Variants in STIM2 observed in about 807,000 individuals in gnomAD.
The protein encoded by STIM2 is stromal interaction molecule 2.
A neutral mutation model predicts 85.8 loss-of-function variants in STIM2; 31 were observed. That is an observed-to-expected ratio of 0.36 (90% CI 0.27 to 0.49). The LOEUF (loss-of-function observed/expected upper bound fraction) is 0.49. Among genes scored for constraint, STIM2 ranks in the 20% least tolerant of loss-of-function variants. STIM2 has a pLI of 0.98. For synonymous variants in STIM2, 356 were observed against 331.1 expected (o/e 1.08, Z -0.82); for missense variants, 841 against 927.6 (o/e 0.91, Z 1.21).
chr4:26,904,919 A>G (rs1013141568), intron 1 of STIM2, among the ~76,000 whole-genome samples: 1 of 152,242 alleles, frequency 6.6e-6, no homozygotes, highest in African/African-American at 2.4e-5. Context: ...GGATTGACAT[A>G]TAGAAACTTG....
At chr4:26,906,192 G>A (rs999357458) in intron 1 of STIM2, among the ~76,000 whole-genome samples, 2 of 152,102 alleles carry the variant, frequency 1.3e-5, no homozygotes, top group African/African-American at 2.4e-5. Context: ...ACCAAATACT[G>A]TATGTTCTCA....
chr4:26,910,955 G>A (rs949400948), intron 1 of STIM2, among the ~76,000 whole-genome samples: 3 of 152,182 alleles, frequency 2.0e-5, no homozygotes, highest in Non-Finnish European at 2.9e-5. Flanking sequence ...AAGCATTTGA[G>A]GTCGGGTGCA....
intron 3 of STIM2, among the ~76,000 whole-genome samples, chr4:26,959,505 T>C (rs1726371677): frequency 6.6e-6 from 1 of 152,172 alleles, no homozygotes; most frequent in Admixed American, 6.6e-5. Flanking sequence ...CCTTCTAAGA[T>C]ACTATATAAT....
At chr4:26,913,969 G>T (rs1364243547) in intron 1 of STIM2, among the ~76,000 whole-genome samples, 4 of 152,118 alleles carry the variant, frequency 2.6e-5, no homozygotes, top group Admixed American at 2.0e-4. Context: ...GAAGGAGAAG[G>T]CTATCTTACA....
Position 26,861,004 on chromosome 4 carries a change from G to A in STIM2, c.-215G>A. 1 of 1,277,898 alleles carries A rather than the reference G, an allele frequency of 7.8e-7. No homozygotes were observed. The highest frequency in any genetic ancestry group is 1.6e-5 in the South Asian group (1 of 63,510). 79.2% of individuals were successfully genotyped at this position (1,277,898 alleles called of 1,614,324 possible). A position where few individuals can be genotyped will look rare whatever the true frequency, so the allele number is the denominator to read the frequency against. The stretch of plus-strand genomic sequence containing the variant: ...GCTCCGGAGGCCGCCGGTGCCGATG[G>A]GACCAGGCTGGCGCCCGGCGGGAGC... On this transcript the variant is annotated 5_prime_UTR_variant, in exon 1 of 12. Coordinates refer to ENST00000467087, the MANE Select transcript of STIM2 (RefSeq NM_020860.4).
At chr4:27,009,128 T>C (rs1432810718) in intron 10 of STIM2, 126 bp downstream of exon 10, 26 of 712,986 alleles carry the variant, frequency 3.6e-5, no homozygotes, top group Non-Finnish European at 5.0e-5. Flanking sequence ...ATTTTCTCTT[T>C]CTTTTTGTTA....
chr4:26,862,318 GTTTT>G (rs71186494), intron 1 of STIM2, among the ~76,000 whole-genome samples: 47 of 145,610 alleles, frequency 3.2e-4, no homozygotes, highest in Admixed American at 1.0e-3. Flanking sequence ...TAAAATAATG[GTTTT>G]TTTTTTTTTT....
intron 1 of STIM2, among the ~76,000 whole-genome samples, chr4:26,907,992 T>C (rs1043168416): frequency 6.6e-6 from 1 of 152,192 alleles, no homozygotes; most frequent in African/African-American, 2.4e-5. Context: ...TACCCATTTT[T>C]GTTGCTGAGA....
intron 10 of STIM2, among the ~76,000 whole-genome samples, chr4:27,010,995 T>G (rs1379793252): frequency 6.6e-6 from 1 of 152,170 alleles, no homozygotes; most frequent in African/African-American, 2.4e-5. Flanking sequence ...CCACACACAC[T>G]TAAAGTGACT....
At position 26,861,068 on chromosome 4, in the gene STIM2, G is replaced by A; in HGVS notation, c.-151G>A. 1.7e-6 allele frequency: 2 copies of A among 1,186,676 alleles called. No homozygotes were observed. Among genetic ancestry groups the A allele is most frequent in the South Asian group, 7.0e-5 (2 of 28,474 alleles). 73.5% of individuals were successfully genotyped at this position (1,186,676 alleles called of 1,614,324 possible). A position where few individuals can be genotyped will look rare whatever the true frequency, so the allele number is the denominator to read the frequency against. On this transcript the variant is annotated 5_prime_UTR_variant, in exon 1 of 12. Transcript: ENST00000467087. ...GGCGGGGGCGGCCGGAGGAGTCGCCGGCGGCGGTGGTGGCGCCTCGCGGAG... is the reference window on the plus strand; with the variant it reads ...GGCGGGGGCGGCCGGAGGAGTCGCCAGCGGCGGTGGTGGCGCCTCGCGGAG...
At position 26,861,340 on chromosome 4, in the gene STIM2, C is replaced by A; in HGVS notation, c.122C>A (p.Ala41Glu). The A allele has an allele frequency of 7.3e-7, 1 of 1,376,418 alleles. No homozygotes were observed. Among genetic ancestry groups the A allele is most frequent in the Non-Finnish European group, 9.3e-7 (1 of 1,070,386 alleles). 85.3% of individuals were successfully genotyped at this position (1,376,418 alleles called of 1,614,324 possible). The change falls in exon 1 of 12, where the codon GCG becomes GAG. Residue 41 changes from alanine (A) to glutamate (E), a missense_variant. This residue lies in a region of STIM2 where 140 missense variants were observed against 117.7 expected (regional missense o/e 1.19). Coordinates refer to ENST00000467087, the MANE Select transcript of STIM2 (RefSeq NM_020860.4). The stretch of plus-strand genomic sequence containing the variant: ...ACTGCCGCCTCCTCTCCCGCCGCGG[C>A]GGCCGGCGATAGCCCGGCGCTCATG...
chr4:26,942,417 CCTT>C (rs1725644415), intron 2 of STIM2, among the ~76,000 whole-genome samples: 1 of 152,096 alleles, frequency 6.6e-6, no homozygotes, highest in Admixed American at 6.6e-5. Context: ...TCTTGACTCT[CCTT>C]CTCCCTTTGG....
chr4:26,889,623 G>A (rs1723388317), intron 1 of STIM2, among the ~76,000 whole-genome samples: 1 of 152,154 alleles, frequency 6.6e-6, no homozygotes, highest in Non-Finnish European at 1.5e-5. Context: ...TGCCATATCA[G>A]GGACTCATTA....
At chr4:26,916,706 T>G (rs1295520109) in intron 1 of STIM2, among the ~76,000 whole-genome samples, 1 of 152,176 alleles carries the variant, frequency 6.6e-6, no homozygotes, top group Non-Finnish European at 1.5e-5. Flanking sequence ...ACTACAGACA[T>G]ATTAAACCAC....
At chr4:26,885,140 T>C (rs1723168153) in intron 1 of STIM2, among the ~76,000 whole-genome samples, 1 of 151,434 alleles carries the variant, frequency 6.6e-6, no homozygotes, top group Non-Finnish European at 1.5e-5. Context: ...TGATTTGTGT[T>C]CCACTGTTCA....
At chr4:26,970,469 C>T (rs1359769730) in intron 3 of STIM2, among the ~76,000 whole-genome samples, 1 of 151,782 alleles carries the variant, frequency 6.6e-6, no homozygotes, top group Non-Finnish European at 1.5e-5. Flanking sequence ...TGTTCAGTTC[C>T]CACCTATGAG....
At chr4:26,982,516 A>T (rs1727439141) in intron 3 of STIM2, among the ~76,000 whole-genome samples, 1 of 151,920 alleles carries the variant, frequency 6.6e-6, no homozygotes, top group Admixed American at 6.6e-5. Flanking sequence ...GATATTCTTT[A>T]TTCTTTTATA....
At chr4:26,927,629 A>C in intron 2 of STIM2, among the ~76,000 whole-genome samples, 1 of 73,048 alleles carries the variant, frequency 1.4e-5, no homozygotes, top group East Asian at 4.5e-4. Flanking sequence ...ATGTATACAT[A>C]TGTAACTAAC....
At chr4:26,907,325 A>G (rs75212749) in intron 1 of STIM2, among the ~76,000 whole-genome samples, 2,040 of 152,304 alleles carry the variant, frequency 0.013, 26 homozygotes, top group Non-Finnish European at 0.022. Flanking sequence ...GTGAAAAAGG[A>G]TAGGTAGAAA....
Sources: gnomAD v4.1 joint callset for allele counts (sites outside exome capture counted in the v4.1 genomes callset) on GRCh38, gnomAD v4.1.1 for gene constraint, gnomAD v4.1.1 regional missense constraint, MANE v1.5 for transcripts, NCBI Gene and HGNC (gene_info 2026-07-23, HGNC 2026-07-21) for gene names.